Variants in DNAH11 observed in about 807,000 individuals in gnomAD.
DNAH11 encodes the protein axonemal beta dynein heavy chain 11.
In DNAH11, 442 loss-of-function variants were observed where a neutral mutation model predicts 526.0. The ratio of observed to expected loss-of-function variants is 0.84; its 90% CI spans 0.78 to 0.91. The LOEUF is 0.91. Among genes scored for constraint, DNAH11 ranks in the 40% least tolerant of loss-of-function variants. DNAH11 has a pLI of 0.00. For missense variants in DNAH11, 6,989 were observed against 5,448.7 expected (o/e 1.28, Z -8.90); for synonymous variants, 2,461 against 1,935.9 (o/e 1.27, Z -7.12).
intron 34 of DNAH11, among the ~76,000 whole-genome samples, chr7:21,689,502 C>T (rs544190738): frequency 1.3e-5 from 2 of 152,334 alleles, no homozygotes; most frequent in South Asian, 2.1e-4. Flanking sequence ...CCTTCTAGTG[C>T]CTTGCCAGCT....
At chr7:21,900,978 C>A (rs1251962235) in intron 81 of DNAH11, 29 bp from the exon 82 acceptor site, 5 of 1,541,404 alleles carry the variant, frequency 3.2e-6, no homozygotes, top group African/African-American at 1.4e-5. Flanking sequence ...AGCTGCCACA[C>A]AATTGCAACC....
intron 36 of DNAH11, among the ~76,000 whole-genome samples, chr7:21,700,380 G>C (rs555712011): frequency 1.3e-5 from 2 of 152,220 alleles, no homozygotes; most frequent in Non-Finnish European, 2.9e-5. Flanking sequence ...AGAATCAGCA[G>C]ACATTTTTGA....
intron 67 of DNAH11, among the ~76,000 whole-genome samples, chr7:21,853,630 T>C (rs1205981371): frequency 6.6e-6 from 1 of 152,236 alleles, no homozygotes; most frequent in East Asian, 1.9e-4. Context: ...GAAAATACTG[T>C]ATCCTATGGG....
intron 30 of DNAH11, among the ~76,000 whole-genome samples, chr7:21,680,191 G>A (rs903689569): frequency 4.6e-5 from 7 of 152,142 alleles, no homozygotes; most frequent in African/African-American, 1.7e-4. Context: ...ATTTTCCGGG[G>A]CATGATAATA....
intron 31 of DNAH11, among the ~76,000 whole-genome samples, chr7:21,682,919 C>T (rs1287641099): frequency 1.3e-5 from 2 of 152,140 alleles, no homozygotes; most frequent in Non-Finnish European, 2.9e-5. Flanking sequence ...AAAACTTTTC[C>T]TTGCAAAACA....
intron 56 of DNAH11, among the ~76,000 whole-genome samples, chr7:21,777,593 T>C (rs1193170137): frequency 6.6e-6 from 1 of 152,206 alleles, no homozygotes; most frequent in East Asian, 1.9e-4. Flanking sequence ...GCATCTCTAA[T>C]TTTTATTTTA....
intron 28 of DNAH11, among the ~76,000 whole-genome samples, chr7:21,640,240 T>C (rs1384782451): frequency 6.6e-6 from 1 of 152,216 alleles, no homozygotes; most frequent in Non-Finnish European, 1.5e-5. Flanking sequence ...TACATACTTA[T>C]TAGCACACAA....
chr7:21,656,443 G>A (rs984079421), intron 29 of DNAH11, among the ~76,000 whole-genome samples: 6 of 152,174 alleles, frequency 3.9e-5, no homozygotes, highest in Non-Finnish European at 5.9e-5. Context: ...CATAAATAAA[G>A]TTGATCGAGT....
intron 20 of DNAH11, among the ~76,000 whole-genome samples, chr7:21,610,688 C>A (rs1234442766): frequency 6.6e-6 from 1 of 150,426 alleles, no homozygotes; most frequent in Admixed American, 6.6e-5. Flanking sequence ...CAGATACTTA[C>A]AGAAATGAAA....
chr7:21,893,177 T>C (rs1440486933), intron 77 of DNAH11, among the ~76,000 whole-genome samples: 1 of 152,240 alleles, frequency 6.6e-6, no homozygotes, highest in Non-Finnish European at 1.5e-5. Flanking sequence ...AAGGCATCCA[T>C]TCATACTACC....
At chr7:21,571,043 A>G (rs1331998865) in intron 7 of DNAH11, among the ~76,000 whole-genome samples, 2 of 152,170 alleles carry the variant, frequency 1.3e-5, no homozygotes, top group African/African-American at 4.8e-5. Context: ...ATGAGCCTGA[A>G]TGCCTCTTCT....
intron 49 of DNAH11, among the ~76,000 whole-genome samples, chr7:21,744,082 A>T (rs1786037706): frequency 7.3e-6 from 1 of 137,448 alleles, no homozygotes; most frequent in South Asian, 2.3e-4. Context: ...ATTTTATAGT[A>T]AAAAAAATAT....
In DNAH11 at chr7:21,543,391, G is replaced by A. The variant is rs1247831278; in HGVS notation, c.146G>A (p.Arg49Lys). ...EENEEEAAARRARSFAQDARV... is the reference protein window; with the variant it reads ...EENEEEAAARKARSFAQDARV... ...AACGAGGAGGAGGCGGCGGCCAGGA[G>A]AGCGCGGAGTTTCGCCCAAGACGCG... The change falls in exon 1 of 82, where the codon AGA becomes AAA. Residue 49 changes from arginine (R) to lysine (K), a missense_variant. Physicochemically the swap from Arg to Lys is conservative, Grantham distance 26. Coordinates refer to ENST00000409508, the MANE Select transcript of DNAH11 (RefSeq NM_001277115.2). 1 of 1,552,366 alleles carries A rather than the reference G, an allele frequency of 6.4e-7. No homozygotes were observed. Among genetic ancestry groups the A allele is most frequent in the African/African-American group, 1.4e-5 (1 of 73,132 alleles).
chr7:21,728,066 A>G (rs2965380), intron 45 of DNAH11, among the ~76,000 whole-genome samples: 92,208 of 151,102 alleles, frequency 0.61, 28,450 homozygotes, highest in South Asian at 0.71. Context: ...TCTCTTTTAT[A>G]AGTCCTATTC....
intron 79 of DNAH11, among the ~76,000 whole-genome samples, chr7:21,897,056 C>T (rs370998904): frequency 2.9e-4 from 44 of 152,242 alleles, no homozygotes; most frequent in African/African-American, 9.4e-4. Flanking sequence ...GCCTGGGTGA[C>T]AGAGCAAGAC....
At chr7:21,587,270 G>A (rs969841366) in intron 9 of DNAH11, among the ~76,000 whole-genome samples, 4 of 152,156 alleles carry the variant, frequency 2.6e-5, no homozygotes, top group Middle Eastern at 3.4e-3. Context: ...AAATCTAGGG[G>A]GCTCCATTGA....
At chr7:21,565,457 T>C (rs1783628145) in intron 6 of DNAH11, among the ~76,000 whole-genome samples, 1 of 152,204 alleles carries the variant, frequency 6.6e-6, no homozygotes, top group Non-Finnish European at 1.5e-5. Context: ...ATGATGTTAT[T>C]TGCTCAATTT....
chr7:21,744,155 G>A (rs1027560698), intron 49 of DNAH11, among the ~76,000 whole-genome samples: 3 of 152,126 alleles, frequency 2.0e-5, no homozygotes, highest in South Asian at 2.1e-4. Flanking sequence ...CCATTGTAAG[G>A]CTTAATAGGC....
At chr7:21,757,606 T>G (rs571931357) in intron 54 of DNAH11, among the ~76,000 whole-genome samples, 2 of 152,316 alleles carry the variant, frequency 1.3e-5, no homozygotes, top group African/African-American at 4.8e-5. Context: ...TTTTCTTGGT[T>G]TTGTAAAGTA....
Sources: allele counts gnomAD v4.1 joint callset (sites outside exome capture counted in the v4.1 genomes callset), GRCh38; gene constraint gnomAD v4.1.1; transcripts MANE v1.5; gene names NCBI Gene and HGNC (gene_info 2026-07-23, HGNC 2026-07-21).